The following ASPH variants were observed in gnomAD, a reference collection of about 807,000 sequenced individuals.
ASPH encodes the protein aspartate beta-hydroxylase.
A neutral mutation model predicts 118.4 loss-of-function variants in ASPH; 100 were observed. The observed-to-expected ratio is 0.84, with a 90% CI of 0.72 to 1.00. The LOEUF (loss-of-function observed/expected upper bound fraction) is 1.00. Ranked by LOEUF, ASPH falls within the 50% of genes least tolerant of loss-of-function variation. The pLI is 0.00. For synonymous variants in ASPH, 315 were observed against 325.6 expected, an observed-to-expected ratio of 0.97 and a Z score of 0.35; for missense variants, 920 against 919.5, an observed-to-expected ratio of 1.00 and a Z score of -0.01.
At chr8:61,691,870 G>A (rs1024788495) in intron 1 of ASPH, among the ~76,000 whole-genome samples, 2 of 152,144 alleles carry the variant, frequency 1.3e-5, no homozygotes, top group Non-Finnish European at 2.9e-5. Context: ...TTTAGAGCTC[G>A]TTTCATAATC....
intron 16 of ASPH, among the ~76,000 whole-genome samples, chr8:61,569,184 G>A (rs531517998): frequency 5.9e-5 from 9 of 152,052 alleles, no homozygotes; most frequent in African/African-American, 1.4e-4. Flanking sequence ...TTTTCTTAAC[G>A]AAAAAAGAAT....
chr8:61,577,660 A>T (rs183248190), intron 15 of ASPH, among the ~76,000 whole-genome samples: 1 of 152,290 alleles, frequency 6.6e-6, no homozygotes, highest in East Asian at 1.9e-4. Flanking sequence ...GGCAAAGAGG[A>T]ATCAAGGACC....
chr8:61,669,414 C>T (rs1356383632), intron 3 of ASPH, among the ~76,000 whole-genome samples: 2 of 152,112 alleles, frequency 1.3e-5, no homozygotes, highest in African/African-American at 2.4e-5. Context: ...GAAACGTGAC[C>T]ATGGTTATAT....
At chr8:61,550,003 CAAAG>C (rs1825321701) in intron 20 of ASPH, among the ~76,000 whole-genome samples, 1 of 152,102 alleles carries the variant, frequency 6.6e-6, no homozygotes, top group African/African-American at 2.4e-5. Context: ...TTCTGACACT[CAAAG>C]TAAGTAATCC....
chr8:61,603,501 C>A (rs370862775), intron 14 of ASPH, among the ~76,000 whole-genome samples: 1 of 152,094 alleles, frequency 6.6e-6, no homozygotes, highest in Non-Finnish European at 1.5e-5. Flanking sequence ...ATAACTACTG[C>A]TACATAGAAA....
At chr8:61,577,844 G>A (rs1310123406) in intron 15 of ASPH, among the ~76,000 whole-genome samples, 2 of 152,146 alleles carry the variant, frequency 1.3e-5, no homozygotes, top group African/African-American at 4.8e-5. Flanking sequence ...GGATTATGGG[G>A]ATTACAATTT....
At chr8:61,679,720 T>G (rs1325173725) in intron 3 of ASPH, among the ~76,000 whole-genome samples, 1 of 151,832 alleles carries the variant, frequency 6.6e-6, no homozygotes, top group African/African-American at 2.4e-5. Context: ...AATAAACCAT[T>G]TATAGGCAAG....
rs151310807 is a variant in ASPH at position 61,651,099 on chromosome 8, T to G, written c.441A>C (p.Ala147=). ...GGAGAAGGGACTGAATTTGTTCTTT[T>G]GCTTCATCTTCGATATTCTGGGGTT... ...EAEPQNIEDE[A]KEQIQSLLHE... Residue 147 remains alanine (A), a synonymous_variant, in exon 5 of 25, where the codon GCA becomes GCC. Transcript: ENST00000379454. 8.6e-4 allele frequency: 1,387 copies of G among 1,613,800 alleles called. 1 individual carries two copies. Among genetic ancestry groups the G allele is most frequent in the Admixed American group, 2.0e-3 (121 of 60,004 alleles).
At chr8:61,650,365 C>G (rs950406178) in intron 5 of ASPH, among the ~76,000 whole-genome samples, 48 of 152,148 alleles carry the variant, frequency 3.2e-4, no homozygotes, top group African/African-American at 1.1e-3. Context: ...TTAGGCCACC[C>G]TTGGATCACA....
In ASPH at chr8:61,670,315, T is replaced by A. The variant is rs949004118; in HGVS notation, c.322+10653A>T. Among the ~76,000 whole-genome samples the A allele has an allele frequency of 3.9e-5, 6 of 151,950 alleles. 1 individual carries two copies. The highest frequency in any genetic ancestry group is 1.9e-4 in the East Asian group (1 of 5,176). ...GAAATGTGTTTGTTTGTTTTTTTTT[T>A]AAAGTGAAATGATCAGTTTTAGGAA... On this transcript the variant is annotated intron_variant, in intron 3 of 24. Transcript: ENST00000379454.
chr8:61,673,801 T>C (rs1405672662), intron 3 of ASPH, among the ~76,000 whole-genome samples: 1 of 152,028 alleles, frequency 6.6e-6, no homozygotes. Context: ...TAAAATAAAA[T>C]ACCTTTATTT....
rs573238390 is a variant in ASPH at position 61,625,292 on chromosome 8, C to T, written c.935-6273G>A. ...ATTGCCGTGAAATAGCAGCAGGCAT[C>T]GGGCTCTGTGAGCTTTTCACACATC... On this transcript the variant is annotated intron_variant, in intron 13 of 24. Coordinates refer to ENST00000379454, the MANE Select transcript of ASPH (RefSeq NM_004318.4). 325 of 985,762 alleles carry T rather than the reference C, an allele frequency of 3.3e-4. 2 individuals carry two copies. The highest frequency in any genetic ancestry group is 2.2e-4 in the Non-Finnish European group (185 of 829,940). 61.1% of individuals were successfully genotyped at this position (985,762 alleles called of 1,614,324 possible). A position where few individuals can be genotyped will look rare whatever the true frequency, so the allele number is the denominator to read the frequency against.
intron 16 of ASPH, 156 bp downstream of exon 16, chr8:61,576,616 G>A (rs1304563471): frequency 3.5e-6 from 2 of 579,320 alleles, no homozygotes; most frequent in Non-Finnish European, 5.8e-6. Flanking sequence ...TCAGCAGCAT[G>A]CAATAGTGAT....
At chr8:61,518,220 G>C in intron 22 of ASPH, 97 bp from the exon 23 acceptor site, 1 of 964,812 alleles carries the variant, frequency 1.0e-6, no homozygotes, top group Non-Finnish European at 1.5e-6. Context: ...CCTCACTGCA[G>C]GAATGAGAAG....
At chr8:61,583,820 A>G (rs1267994982) in intron 15 of ASPH, 124 bp downstream of exon 15, 3 of 661,774 alleles carry the variant, frequency 4.5e-6, no homozygotes, top group African/African-American at 3.8e-5. Flanking sequence ...GTGCCTGGGG[A>G]AAAATCCACT....
At chr8:61,681,177 C>G in intron 2 of ASPH, 141 bp from the exon 3 acceptor site, 1 of 579,954 alleles carries the variant, frequency 1.7e-6, no homozygotes, top group Non-Finnish European at 2.8e-6. Context: ...TCCTGCAAAG[C>G]AGTGTCAAAT....
intron 4 of ASPH, among the ~76,000 whole-genome samples, chr8:61,652,330 G>GA (rs1457265900): frequency 6.6e-6 from 1 of 152,150 alleles, no homozygotes; most frequent in Non-Finnish European, 1.5e-5. Flanking sequence ...CCAAACTGGT[G>GA]AAAGTCTCAG....
intron 1 of ASPH, among the ~76,000 whole-genome samples, chr8:61,686,931 C>A (rs1460259954): frequency 6.6e-6 from 1 of 151,978 alleles, no homozygotes; most frequent in Non-Finnish European, 1.5e-5. Flanking sequence ...TTATTCAGTA[C>A]ATGAATATCA....
chr8:61,563,606 G>A lies in ASPH; in HGVS notation c.1301-726C>T, dbSNP rs545722039. Among the ~76,000 whole-genome samples the A allele has an allele frequency of 2.3e-4, 35 of 152,144 alleles. 1 individual carries two copies. Among genetic ancestry groups the A allele is most frequent in the Non-Finnish European group, 4.3e-4 (29 of 68,036 alleles). ...AGGAGAGTGATGGGAGTGTCAGTAC[G>A]CTAAAGCAGCTGTATATTCCACTGC... On this transcript the variant is annotated intron_variant, in intron 17 of 24. Coordinates refer to ENST00000379454, the MANE Select transcript of ASPH (RefSeq NM_004318.4).
Sources: allele counts gnomAD v4.1 joint callset (sites outside exome capture counted in the v4.1 genomes callset), GRCh38; gene constraint gnomAD v4.1.1; transcripts MANE v1.5; gene names NCBI Gene and HGNC (gene_info 2026-07-23, HGNC 2026-07-21).